The following HYDIN variants were observed in gnomAD, a reference collection of about 807,000 sequenced individuals.
HYDIN encodes axonemal central pair apparatus protein HYDIN.
Under a neutral mutation model 403.9 loss-of-function variants are expected in HYDIN, and 132 were observed. The ratio of observed to expected loss-of-function variants is 0.33; its 90% CI spans 0.28 to 0.38. HYDIN has a LOEUF of 0.38. HYDIN is among the 10% of genes least tolerant of loss of function. The pLI, the probability that HYDIN is intolerant of heterozygous loss-of-function variation, is 1.00. For missense variants in HYDIN, 2,827 were observed against 5,009.5 expected (o/e 0.56, Z 13.15); for synonymous variants, 1,202 against 1,891.7 (o/e 0.64, Z 9.46).
chr16:70,861,083 C>G (rs999006991), intron 69 of HYDIN, among the ~76,000 whole-genome samples, 182 bp from the exon 70 acceptor site: 2 of 151,672 alleles, frequency 1.3e-5, no homozygotes, highest in Admixed American at 6.6e-5. Context: ...GCATAAGCAG[C>G]CTGAATTTGG....
rs11075798 is a variant in HYDIN at position 70,860,121 on chromosome 16, C to T, written c.12076G>A (p.Ala4026Thr). The stretch of plus-strand genomic sequence containing the variant: ...CCCTTTTCTGTAAGGCATGTGAATG[C>T]TGCAGGGTTCTGGAGACTTTCAATT... ...EEIESLQNPAAFTCLTEKGFI... is the reference protein window; with the variant it reads ...EEIESLQNPATFTCLTEKGFI... The change falls in exon 71 of 86, where the codon GCA becomes ACA. Residue 4026 changes from alanine to threonine, a missense_variant. By Grantham distance (58) the Ala-to-Thr change is moderately conservative. Transcript: ENST00000393567. The T allele has an allele frequency of 0.036, 46,681 of 1,289,146 alleles. No homozygotes were observed. Among genetic ancestry groups the T allele is most frequent in the Middle Eastern group, 0.053 (264 of 5,000 alleles). 79.9% of individuals were successfully genotyped at this position (1,289,146 alleles called of 1,614,324 possible).
intron 52 of HYDIN, among the ~76,000 whole-genome samples, chr16:70,902,821 A>ATATATATATATATT: frequency 2.1e-5 from 1 of 47,310 alleles, no homozygotes; most frequent in Non-Finnish European, 3.6e-5. Flanking sequence ...ATATATATAT[A>ATATATATATATATT]TTTTTTTTTT....
intron 21 of HYDIN, among the ~76,000 whole-genome samples, chr16:71,021,128 G>C (rs2080474118): frequency 1.3e-5 from 2 of 151,166 alleles, no homozygotes; most frequent in Admixed American, 1.3e-4. Flanking sequence ...CAAATGATCA[G>C]ACCTATTTCC....
At chr16:70,867,060 A>C (rs2039802292) in intron 66 of HYDIN, among the ~76,000 whole-genome samples, 1 of 150,326 alleles carries the variant, frequency 6.7e-6, no homozygotes. Flanking sequence ...ATAAACTATA[A>C]ATTTGGTAAG....
At chr16:70,931,025 G>C (rs1345171002) in intron 45 of HYDIN, among the ~76,000 whole-genome samples, 1 of 152,188 alleles carries the variant, frequency 6.6e-6, no homozygotes, top group Non-Finnish European at 1.5e-5. Flanking sequence ...GATCAGTAAG[G>C]CAGAAGGAAA....
intron 41 of HYDIN, among the ~76,000 whole-genome samples, chr16:70,946,066 T>G: frequency 1.4e-5 from 2 of 139,318 alleles, no homozygotes; most frequent in East Asian, 2.1e-4. Context: ...AGAAGTAGAG[T>G]AGGGGGAAAG....
intron 21 of HYDIN, among the ~76,000 whole-genome samples, chr16:71,025,018 C>T (rs1211201183): frequency 6.6e-6 from 1 of 152,226 alleles, no homozygotes; most frequent in Non-Finnish European, 1.5e-5. Flanking sequence ...GTGGTAGATA[C>T]TCTTACTGAT....
At chr16:71,181,855 C>G (rs1215423212) in intron 3 of HYDIN, among the ~76,000 whole-genome samples, 1 of 151,888 alleles carries the variant, frequency 6.6e-6, no homozygotes, top group Admixed American at 6.6e-5. Flanking sequence ...AGCGATCATA[C>G]AAAAAATATA....
At chr16:70,949,151 C>T (rs1024661552) in intron 41 of HYDIN, among the ~76,000 whole-genome samples, 1 of 152,004 alleles carries the variant, frequency 6.6e-6, no homozygotes, top group Non-Finnish European at 1.5e-5. Context: ...AGCTCATGTC[C>T]TTTGTAGGGA....
rs529287751 is a variant in HYDIN, at chr16:70,971,981, T to C, written c.5380-1222A>G. On this transcript the variant is annotated intron_variant, in intron 35 of 85. Transcript: ENST00000393567. ...TACAGCTAATAAATTTCTCTCTTAA[T>C]TGGTGGAAACATTTTACTAACTTTG... Among the ~76,000 whole-genome samples the C allele has an allele frequency of 1.2e-3, 184 of 152,308 alleles. 1 individual carries two copies. Among genetic ancestry groups the C allele is most frequent in the African/African-American group, 4.2e-3 (174 of 41,558 alleles).
intron 11 of HYDIN, 22 bp downstream of exon 11, chr16:71,093,795 A>G: frequency 6.2e-7 from 1 of 1,608,020 alleles, no homozygotes; most frequent in South Asian, 1.1e-5. Context: ...TTGAAGTATC[A>G]ACGAACAACT....
chr16:71,171,441 T>A (rs2086459422), intron 5 of HYDIN, among the ~76,000 whole-genome samples: 1 of 152,236 alleles, frequency 6.6e-6, no homozygotes, highest in African/African-American at 2.4e-5. Context: ...GTAAGCTCCA[T>A]GAAGGCTAAA....
intron 5 of HYDIN, among the ~76,000 whole-genome samples, chr16:71,172,266 T>C (rs1486438830): frequency 6.6e-6 from 1 of 152,218 alleles, no homozygotes; most frequent in Admixed American, 6.5e-5. Flanking sequence ...CAAAGCTTGC[T>C]GCCTTTTCCG....
intron 23 of HYDIN, among the ~76,000 whole-genome samples, chr16:71,016,000 T>C (rs529911281): frequency 6.6e-6 from 1 of 152,164 alleles, no homozygotes; most frequent in East Asian, 1.9e-4. Flanking sequence ...CATTGAAATA[T>C]GTAAAACAGG....
chr16:71,010,193 T>C lies in HYDIN; in HGVS notation c.3644+7936A>G, dbSNP rs200765773. On this transcript the variant is annotated intron_variant, in intron 23 of 85. Coordinates refer to ENST00000393567, the MANE Select transcript of HYDIN (RefSeq NM_001270974.2). The stretch of plus-strand genomic sequence containing the variant: ...CCTTCATGACCTTTTTGCCCCCTCC[T>C]CAGGCCTGTCTTCCCTCTGGCCCCA... 1.7e-4 allele frequency among the ~76,000 whole-genome samples: 25 copies of C among 150,690 alleles called. No individual in the cohort carries two copies. The East Asian group carries it at 4.6e-3, about 27-fold the overall frequency.
At chr16:71,008,410 AT>A (rs1269840055) in intron 23 of HYDIN, among the ~76,000 whole-genome samples, 5 of 152,210 alleles carry the variant, frequency 3.3e-5, no homozygotes, top group African/African-American at 1.2e-4. Context: ...ATGACATGTA[AT>A]GAGTTAGAAT....
At chr16:71,062,056 C>G in intron 17 of HYDIN, 113 bp downstream of exon 17, 1 of 888,308 alleles carries the variant, frequency 1.1e-6, no homozygotes, top group Non-Finnish European at 1.7e-6. Context: ...AACCCTACAA[C>G]TCCAAGCAAC....
intron 41 of HYDIN, among the ~76,000 whole-genome samples, chr16:70,949,799 T>C (rs905721226): frequency 3.3e-5 from 5 of 152,292 alleles, no homozygotes; most frequent in South Asian, 2.1e-4. Flanking sequence ...CTGTGATCTG[T>C]AGGTTACCTT....
intron 83 of HYDIN, among the ~76,000 whole-genome samples, chr16:70,826,985 C>T (rs1297650503): frequency 7.1e-5 from 4 of 56,520 alleles, no homozygotes; most frequent in African/African-American, 1.0e-4. Flanking sequence ...GAGCAATGCC[C>T]ATCTCTCTCC....
Sources: gnomAD v4.1 joint callset for allele counts (sites outside exome capture counted in the v4.1 genomes callset) on GRCh38, gnomAD v4.1.1 for gene constraint, MANE v1.5 for transcripts, NCBI Gene and HGNC (gene_info 2026-07-23, HGNC 2026-07-21) for gene names.